The following ASTN1 variants were observed in gnomAD, a reference collection of about 807,000 sequenced individuals.
The protein encoded by ASTN1 is astrotactin 1.
ASTN1 carries 41 observed loss-of-function variants against 140.7 expected under a neutral mutation model. That is an observed-to-expected ratio of 0.29 (90% confidence interval 0.23 to 0.38). ASTN1 has a LOEUF of 0.38. ASTN1 is among the 10% of genes least tolerant of loss of function. The pLI, the probability that ASTN1 is intolerant of heterozygous loss-of-function variation, is 1.00. For missense variants in ASTN1, 1,479 were observed against 1,678.8 expected (o/e 0.88, Z 2.08); for synonymous variants, 640 against 652.2 (o/e 0.98, Z 0.29).
chr1:176,894,572 T>C lies in ASTN1; in HGVS notation c.2930A>G (p.Gln977Arg). The C allele has an allele frequency of 6.2e-7, 1 of 1,613,992 alleles. No individual in the cohort carries two copies. Among genetic ancestry groups the C allele is most frequent in the East Asian group, 2.2e-5 (1 of 44,854 alleles). Reference protein sequence around the residue: ...APIYELVTNNQTQRLLQEATM... With the variant: ...APIYELVTNNRTQRLLQEATM... ...TCCCAGGCCTCTTACCCTCTGGGTC[T>C]GGTTGTTGGTCACTAGTTCATAGAT... is the stretch of plus-strand genomic sequence containing the variant. Residue 977 changes from glutamine to arginine, a missense_variant, in exon 17 of 23, where the codon CAG becomes CGG. Gln to Arg is a conservative substitution (Grantham distance 43). Coordinates refer to ENST00000361833, the MANE Select transcript of ASTN1 (RefSeq NM_004319.3).
rs760895323 is a variant in ASTN1 at position 177,030,969 on chromosome 1, C to T, written c.866-17G>A. 34 of 1,593,962 alleles carry T rather than the reference C, an allele frequency of 2.1e-5. No homozygotes were observed. The highest frequency in any genetic ancestry group is 2.0e-4 in the East Asian group (9 of 44,256). ...TGTCACTTCCTGTATAAGGAAAAGACGAGGCAAAAACTTTAAGAGAAAAGA... is the reference window on the plus strand; with the variant it reads ...TGTCACTTCCTGTATAAGGAAAAGATGAGGCAAAAACTTTAAGAGAAAAGA... On this transcript the variant is annotated splice_polypyrimidine_tract_variant and intron_variant, in intron 3 of 22. Coordinates refer to ENST00000361833, the MANE Select transcript of ASTN1 (RefSeq NM_004319.3).
At chr1:177,161,708 T>C (rs556227936) in intron 1 of ASTN1, among the ~76,000 whole-genome samples, 4 of 152,278 alleles carry the variant, frequency 2.6e-5, no homozygotes, top group African/African-American at 9.6e-5. Flanking sequence ...CAGGACTTGA[T>C]CCTAGAGGCA....
intron 14 of ASTN1, among the ~76,000 whole-genome samples, chr1:176,937,800 T>G (rs1198829584): frequency 3.3e-5 from 5 of 152,174 alleles, no homozygotes; most frequent in Non-Finnish European, 5.9e-5. Context: ...TCTACAAATA[T>G]AATGGCAATA....
At chr1:176,916,280 C>T (rs1437768360) in intron 16 of ASTN1, among the ~76,000 whole-genome samples, 1 of 152,164 alleles carries the variant, frequency 6.6e-6, no homozygotes, top group Non-Finnish European at 1.5e-5. Flanking sequence ...TCCCTTATAT[C>T]TCAGGAAGGT....
intron 18 of ASTN1, among the ~76,000 whole-genome samples, chr1:176,885,870 G>A (rs1227454262): frequency 6.6e-6 from 1 of 152,082 alleles, no homozygotes; most frequent in Non-Finnish European, 1.5e-5. Context: ...GTAGACTGTG[G>A]ACACAAAAGT....
intron 8 of ASTN1, among the ~76,000 whole-genome samples, chr1:176,995,757 G>A (rs1421839372): frequency 1.3e-5 from 2 of 152,152 alleles, no homozygotes. Context: ...ATTTTAGATA[G>A]ATCTTTTGGT....
intron 1 of ASTN1, among the ~76,000 whole-genome samples, chr1:177,071,951 T>C (rs775350819): frequency 1.2e-4 from 18 of 152,190 alleles, no homozygotes; most frequent in Non-Finnish European, 2.1e-4. Flanking sequence ...TGCAAAGGCC[T>C]TTCTTCTAAG....
rs1369192950 is a variant in ASTN1 at position 176,861,616 on chromosome 1, A to C, written c.*2668T>G. 2 of 985,402 alleles carry C rather than the reference A, an allele frequency of 2.0e-6. No homozygotes were observed. The highest frequency in any genetic ancestry group is 2.4e-6 in the Non-Finnish European group (2 of 829,966). 61.0% of individuals were successfully genotyped at this position (985,402 alleles called of 1,614,324 possible). On this transcript the variant is annotated 3_prime_UTR_variant, in exon 23 of 23. Coordinates refer to ENST00000361833, the MANE Select transcript of ASTN1 (RefSeq NM_004319.3). ...CCTAAGATTTTCCCCTGCCCTGTTC[A>C]TATCAGCCTTTTTAACTTGAATGTA... is the stretch of plus-strand genomic sequence containing the variant.
chr1:176,953,810 C>A (rs868736897), intron 11 of ASTN1, among the ~76,000 whole-genome samples: 3 of 152,118 alleles, frequency 2.0e-5, no homozygotes, highest in Admixed American at 6.6e-5. Context: ...AAAGTGGGCA[C>A]CCGATTTCTC....
chr1:176,871,775 A>C (rs12123792), intron 21 of ASTN1, among the ~76,000 whole-genome samples: 9,105 of 152,298 alleles, frequency 0.06, 352 homozygotes, highest in Non-Finnish European at 0.087. Context: ...TCACTAACTT[A>C]AACAATGGAA....
intron 1 of ASTN1, among the ~76,000 whole-genome samples, chr1:177,067,362 T>A (rs1678415366): frequency 6.6e-6 from 1 of 152,176 alleles, no homozygotes; most frequent in African/African-American, 2.4e-5. Flanking sequence ...AGCTCCGGAC[T>A]TTAGTAGTGA....
chr1:177,164,110 T>C (rs1647556022), intron 1 of ASTN1, among the ~76,000 whole-genome samples: 1 of 151,370 alleles, frequency 6.6e-6, no homozygotes, highest in African/African-American at 2.4e-5. Context: ...AGCTGGGAGG[T>C]CAAGGCTGGG....
intron 17 of ASTN1, 50 bp from the exon 18 acceptor site, chr1:176,888,254 G>C: frequency 6.2e-7 from 1 of 1,601,712 alleles, no homozygotes; most frequent in South Asian, 1.1e-5. Context: ...CCAGGGCTAG[G>C]CCATCAGAAT....
chr1:177,036,038 T>C (rs1346388656), intron 2 of ASTN1, among the ~76,000 whole-genome samples: 1 of 105,860 alleles, frequency 9.4e-6, no homozygotes, highest in Non-Finnish European at 2.1e-5. Context: ...TCAGCTTTCT[T>C]TTTTTTTTTT....
At chr1:176,932,681 T>C (rs1671258761) in intron 16 of ASTN1, among the ~76,000 whole-genome samples, 1 of 152,208 alleles carries the variant, frequency 6.6e-6, no homozygotes, top group Non-Finnish European at 1.5e-5. Context: ...AGGCTTGCAA[T>C]CAAGATAAGT....
In ASTN1 at chr1:176,904,664, C is replaced by T. The variant is rs559371093; in HGVS notation, c.2672-9834G>A. 7.9e-5 allele frequency among the ~76,000 whole-genome samples: 12 copies of T among 152,278 alleles called. No homozygotes were observed. The South Asian group carries it at 2.5e-3, about 32-fold the overall frequency. ...CTCCGCGCCCCCAGCCTTGTTCCTG[C>T]TTGGGAGGCTGAGCTGAGAAGCCAA... On this transcript the variant is annotated intron_variant, in intron 16 of 22. Transcript: ENST00000361833.
At chr1:176,858,075 A>AG (rs2103002277), downstream of ASTN1, among the ~76,000 whole-genome samples, 1 of 152,308 alleles carries the variant, frequency 6.6e-6, no homozygotes, top group South Asian at 2.1e-4. Flanking sequence ...CCATTACACT[A>AG]ATTTGTACTC....
chr1:177,025,900 T>A (rs1335471906), intron 5 of ASTN1, among the ~76,000 whole-genome samples: 1 of 152,082 alleles, frequency 6.6e-6, no homozygotes, highest in East Asian at 1.9e-4. Context: ...AGGAGGCAGC[T>A]CCCCTGGAGG....
At chr1:177,032,032 A>C (rs1044621989) in intron 3 of ASTN1, among the ~76,000 whole-genome samples, 1 of 152,242 alleles carries the variant, frequency 6.6e-6, no homozygotes, top group African/African-American at 2.4e-5. Flanking sequence ...CAGGAGTCAT[A>C]GGAAAAAGCA....
Sources: gnomAD v4.1 joint callset for allele counts (sites outside exome capture counted in the v4.1 genomes callset) on GRCh38, gnomAD v4.1.1 for gene constraint, MANE v1.5 for transcripts, NCBI Gene and HGNC (gene_info 2026-07-23, HGNC 2026-07-21) for gene names.